Variants in CAMSAP1 observed in about 807,000 individuals in gnomAD.
The protein encoded by CAMSAP1 is calmodulin regulated spectrin associated protein 1, also known as calmodulin-regulated spectrin-associated protein 1.
Under a neutral mutation model 143.5 loss-of-function variants are expected in CAMSAP1, and 58 were observed. The observed-to-expected ratio is 0.40, with a 90% CI of 0.33 to 0.50. The LOEUF is 0.50. CAMSAP1 is among the 20% of genes least tolerant of loss of function. The pLI is 0.45. For missense variants in CAMSAP1, 1,969 were observed against 2,115.7 expected (o/e 0.93, Z 1.36); for synonymous variants, 945 against 859.3 (o/e 1.10, Z -1.74).
rs527478507 is a variant in CAMSAP1, at chr9:135,885,164, C to T, written c.161-2086G>A. Among the ~76,000 whole-genome samples the T allele has an allele frequency of 4.6e-5, 7 of 152,290 alleles. 1 individual carries two copies. In the South Asian group the frequency reaches 1.5e-3, roughly 32 times the overall value. ...CCCATCTCCTAGGCCAGCTGCCCCT[C>T]ACTTCTCCAAATATTGGAAGGGGCA... On this transcript the variant is annotated intron_variant, in intron 1 of 16. Coordinates refer to ENST00000389532, the MANE Select transcript of CAMSAP1 (RefSeq NM_015447.4).
intron 1 of CAMSAP1, among the ~76,000 whole-genome samples, chr9:135,904,402 CAAAAAA>C (rs34983397): frequency 1.2e-5 from 1 of 84,028 alleles, no homozygotes; most frequent in East Asian, 3.3e-4. Flanking sequence ...CTGTCCTCCA[CAAAAAA>C]AAAAAAAAAA....
intron 3 of CAMSAP1, among the ~76,000 whole-genome samples, chr9:135,871,869 G>A (rs6537916): frequency 0.13 from 20,314 of 152,128 alleles, 1,652 homozygotes; most frequent in East Asian, 0.34. Flanking sequence ...TTAGGAGGCC[G>A]AGGTGGGCAG....
chr9:135,896,789 C>T (rs1461007883), intron 1 of CAMSAP1, among the ~76,000 whole-genome samples: 1 of 152,206 alleles, frequency 6.6e-6, no homozygotes, highest in East Asian at 1.9e-4. Context: ...GCAAAATTCA[C>T]ACGGCAACCT....
chr9:135,881,620 G>T lies in CAMSAP1; in HGVS notation c.585+13C>A. 1 of 1,551,624 alleles carries T rather than the reference G, an allele frequency of 6.4e-7. No individual in the cohort carries two copies. ...AAGCAGAGTCACACACCACATCTAG[G>T]CAGGGCACTCACCTTGTTGATCCAG... On this transcript the variant is annotated intron_variant, in intron 3 of 16. Transcript: ENST00000389532.
At chr9:135,841,164 G>A (rs1836333442) in intron 7 of CAMSAP1, among the ~76,000 whole-genome samples, 1 of 152,144 alleles carries the variant, frequency 6.6e-6, no homozygotes, top group South Asian at 2.1e-4. Flanking sequence ...TTGGTGGGAG[G>A]AGGGACGTCC....
chr9:135,818,925 G>A lies in CAMSAP1; in HGVS notation c.3959+85C>T, dbSNP rs910222430. On this transcript the variant is annotated intron_variant, in intron 12 of 16. Transcript: ENST00000389532. This position sits in a 1 kb window ranked among gnomAD's most constrained non-coding sequence, Gnocchi z 7.7. ...ACAGGCACTCATTGCCATGGTCCATGCTCAGTGCCAGCAACGGGACCGGGG... is the reference window on the plus strand; with the variant it reads ...ACAGGCACTCATTGCCATGGTCCATACTCAGTGCCAGCAACGGGACCGGGG... The A allele has an allele frequency of 2.0e-6, 3 of 1,538,436 alleles. No homozygotes were observed. The highest frequency in any genetic ancestry group is 2.7e-5 in the African/African-American group (2 of 73,210).
intron 3 of CAMSAP1, among the ~76,000 whole-genome samples, chr9:135,867,537 A>G (rs573966968): frequency 3.8e-4 from 58 of 151,956 alleles, no homozygotes; most frequent in Non-Finnish European, 6.8e-4. Context: ...GAAAATACCA[A>G]TACATAACAT....
intron 16 of CAMSAP1, among the ~76,000 whole-genome samples, chr9:135,813,914 C>T (rs371614928): frequency 6.6e-6 from 1 of 152,214 alleles, no homozygotes; most frequent in Non-Finnish European, 1.5e-5. Flanking sequence ...GCTGGAAGAA[C>T]GAGAGCAGAG....
intron 7 of CAMSAP1, among the ~76,000 whole-genome samples, chr9:135,843,709 A>T (rs1029411041): frequency 4.9e-4 from 75 of 151,662 alleles, no homozygotes; most frequent in African/African-American, 1.8e-3. Flanking sequence ...GTCTCTACTA[A>T]AAAATACAAA....
intron 3 of CAMSAP1, among the ~76,000 whole-genome samples, chr9:135,881,153 G>A (rs1381309910): frequency 6.6e-6 from 1 of 151,692 alleles, no homozygotes; most frequent in East Asian, 1.9e-4. Context: ...GACCAGCCTG[G>A]GCAACACAGT....
intron 7 of CAMSAP1, among the ~76,000 whole-genome samples, chr9:135,834,485 T>A (rs958413815): frequency 3.5e-4 from 53 of 152,258 alleles, no homozygotes; most frequent in African/African-American, 1.3e-3. Context: ...AAGAAGGAAG[T>A]CTTGTCATTT....
chr9:135,872,887 C>CA (rs111578033), intron 3 of CAMSAP1, among the ~76,000 whole-genome samples: 9 of 152,316 alleles, frequency 5.9e-5, no homozygotes, highest in African/African-American at 2.2e-4. Context: ...TGGCGGGTTA[C>CA]AAGTGCACAG....
Position 135,881,757 on chromosome 9 carries a change from G to C in CAMSAP1, c.461C>G (p.Ala154Gly), listed in dbSNP as rs1837961505. The change falls in exon 3 of 17, where the codon GCC (alanine) becomes GGC (glycine). Residue 154 changes from alanine (A) to glycine (G), a missense_variant. Transcript: ENST00000389532. ...HMAMVDALMM[A>G]YTVEMISIEK... ...GATGCTGATCATCTCCACAGTGTAG[G>C]CCATCATCAGGGCATCCACCATTGC... The C allele has an allele frequency of 2.6e-6, 4 of 1,551,794 alleles. No individual in the cohort carries two copies. The East Asian group carries it at 7.3e-5, about 28-fold the overall frequency.
chr9:135,819,647 G>A lies in CAMSAP1; in HGVS notation c.3823-501C>T, dbSNP rs570849018. Among the ~76,000 whole-genome samples, 8 of 139,084 alleles carry A rather than the reference G, an allele frequency of 5.8e-5. No homozygotes were observed. The South Asian group carries it at 9.0e-4, about 16-fold the overall frequency. The allele number at this position is 139,084 out of a possible 152,430, so 91.2% of individuals were successfully genotyped here. A position where few individuals can be genotyped will look rare whatever the true frequency, so the allele number is the denominator to read the frequency against. ...TCAGGAGTTCAAGACCAGCCTGGCC[G>A]ACATGGCGAAACCCTGTCTCCACTT... On this transcript the variant is annotated intron_variant, in intron 11 of 16. Transcript: ENST00000389532.
chr9:135,848,019 T>C (rs1836640096), intron 7 of CAMSAP1, among the ~76,000 whole-genome samples: 1 of 113,446 alleles, frequency 8.8e-6, no homozygotes. Flanking sequence ...GCTGCAGTCA[T>C]GAAGGCATCA....
rs1413235004 is a variant in CAMSAP1, at chr9:135,822,905, T to G, written c.1756A>C (p.Lys586Gln). 3 of 1,613,812 alleles carry G rather than the reference T, an allele frequency of 1.9e-6. No homozygotes were observed. Among genetic ancestry groups the G allele is most frequent in the Non-Finnish European group, 2.5e-6 (3 of 1,179,894 alleles). ...GGCTCCAAGAAAAAACTGTCAGGCT[T>G]ACTTTCCGAGGTGTCCAGCTGTCCT... ...PQGQLDTSES[K>Q]PDSFFLEPLM... is the part of the protein sequence containing the mutation. The change falls in exon 11 of 17, where the codon AAG becomes CAG. Residue 586 changes from lysine (K) to glutamine (Q), a missense_variant. Around this residue, in one of 4 missense-constraint regions of CAMSAP1, gnomAD observed 1,390 missense variants for 1,420.8 expected, o/e 0.98. Transcript: ENST00000389532. This position sits in a 1 kb window ranked among gnomAD's most constrained non-coding sequence, Gnocchi z 6.1.
intron 1 of CAMSAP1, among the ~76,000 whole-genome samples, chr9:135,898,364 G>A (rs1838518876): frequency 6.6e-6 from 1 of 152,140 alleles, no homozygotes; most frequent in African/African-American, 2.4e-5. Flanking sequence ...TCTCCAACTG[G>A]CCAGGCGTGG....
intron 5 of CAMSAP1, among the ~76,000 whole-genome samples, chr9:135,857,942 G>A (rs1837036212): frequency 6.6e-6 from 1 of 152,186 alleles, no homozygotes. Flanking sequence ...TTCTCCTCAA[G>A]AGTGTCCCGC....
Position 135,818,470 on chromosome 9 carries a change from C to A in CAMSAP1, c.4106G>T (p.Arg1369Leu), listed in dbSNP as rs2131645816. ...GKPKSKPKKP[R>L]PKSVHREESC... is the part of the protein sequence containing the mutation. ...CTCTTCCCGGTGCACCGACTTCGGC[C>A]GCGGCTTCTTCGGCTTTGACTTGGG... Residue 1369 changes from arginine (R) to leucine (L), a missense_variant, in exon 13 of 17, where the codon CGG becomes CTG. Arg to Leu is a moderately radical substitution (Grantham distance 102, BLOSUM62 -2). Transcript: ENST00000389532. This position sits in a 1 kb window ranked among gnomAD's most constrained non-coding sequence, Gnocchi z 7.7. 2 of 1,606,406 alleles carry A rather than the reference C, an allele frequency of 1.2e-6. No homozygotes were observed. The highest frequency in any genetic ancestry group is 1.7e-6 in the Non-Finnish European group (2 of 1,178,808).
Sources: gnomAD v4.1 joint callset for allele counts (sites outside exome capture counted in the v4.1 genomes callset) on GRCh38, gnomAD v4.1.1 for gene constraint, gnomAD v4.1.1 regional missense constraint, Gnocchi (gnomAD v3.1) non-coding constraint, MANE v1.5 for transcripts, NCBI Gene and HGNC (gene_info 2026-07-23, HGNC 2026-07-21) for gene names.